The following CDC25B variants were observed in gnomAD, a reference collection of about 807,000 sequenced individuals.
The protein encoded by CDC25B is cell division cycle 25B.
Under a neutral mutation model 69.8 loss-of-function variants are expected in CDC25B, and 33 were observed. The observed-to-expected ratio is 0.47, with a 90% CI of 0.36 to 0.63. The LOEUF is 0.63. CDC25B is among the 30% of genes least tolerant of loss of function. The pLI is 0.00. For synonymous variants in CDC25B, 341 were observed against 314.6 expected, an observed-to-expected ratio of 1.08 and a Z score of -0.89; for missense variants, 727 against 809.1, an observed-to-expected ratio of 0.90 and a Z score of 1.23.
chr20:3,791,778 T>G (rs1459842164), upstream of CDC25B, among the ~76,000 whole-genome samples: 1 of 152,242 alleles, frequency 6.6e-6, no homozygotes, highest in Non-Finnish European at 1.5e-5. Context: ...AGGGCATACT[T>G]ACTGCATCGT....
At chr20:3,801,190 TC>T (rs1419661325) in intron 7 of CDC25B, 63 bp from the exon 8 acceptor site, 2 of 1,603,258 alleles carry the variant, frequency 1.2e-6, no homozygotes, top group African/African-American at 2.7e-5. Context: ...GAACTTTTCC[TC>T]AGGAGGATGG....
In CDC25B at chr20:3,790,880, A is replaced by AT. The variant is rs1255290477; in HGVS notation, c.8+3747dup. 1.5e-4 allele frequency among the ~76,000 whole-genome samples: 23 copies of AT among 151,756 alleles called. 1 individual carries two copies. Among genetic ancestry groups the AT allele is most frequent in the African/African-American group, 5.6e-4 (23 of 41,322 alleles). On this transcript the variant is annotated intron_variant, in intron 1 of 15. Transcript: ENST00000344256. ...CCACCGCACCTGGCCTAATTTTTGT[A>AT]TTTTTTGTAGAGACAGAGTTTCACC...
intron 1 of CDC25B, among the ~76,000 whole-genome samples, chr20:3,788,142 A>AAAAAGAAAG (rs1555771431): frequency 4.2e-4 from 63 of 150,096 alleles, no homozygotes; most frequent in African/African-American, 1.2e-3. Context: ...ATCTCAAAAA[A>AAAAAGAAAG]AAAGAAAGAA....
At position 3,802,045 on chromosome 20, in the gene CDC25B, A is replaced by G. The variant is rs774833241; in HGVS notation, c.1043A>G (p.Asn348Ser). 6.3e-7 allele frequency: 1 copy of G among 1,574,994 alleles called. No individual in the cohort carries two copies. Among genetic ancestry groups the G allele is most frequent in the Non-Finnish European group, 8.6e-7 (1 of 1,160,512 alleles). The change falls in exon 10 of 16, where the codon AAT (asparagine) becomes AGT (serine). Residue 348 changes from asparagine (N) to serine (S), a missense_variant. Transcript: ENST00000245960. ...CAGGACAGGGACACGCCCGTGCAGA[A>G]TAAGCGGAGGCGGAGCGTGACCCCT... Reference protein sequence around the residue: ...RPQDRDTPVQNKRRRSVTPPE... With the variant: ...RPQDRDTPVQSKRRRSVTPPE...
At chr20:3,795,826 T>C, upstream of CDC25B, 2 of 984,748 alleles carry the variant, frequency 2.0e-6, no homozygotes, top group Non-Finnish European at 2.4e-6. Context: ...GCCCACCGCC[T>C]GCCCAACCGC....
upstream of CDC25B, among the ~76,000 whole-genome samples, chr20:3,794,356 T>C (rs2033558507): frequency 6.6e-6 from 1 of 151,274 alleles, no homozygotes; most frequent in Non-Finnish European, 1.5e-5. Context: ...CCAGTGATGA[T>C]GAGCATTTTT....
Position 3,804,657 on chromosome 20 carries a change from A to C in CDC25B, c.1579A>C (p.Lys527Gln). 1 of 1,612,808 alleles carries C rather than the reference A, an allele frequency of 6.2e-7. No individual in the cohort carries two copies. The highest frequency in any genetic ancestry group is 1.1e-5 in the South Asian group (1 of 91,040). The change falls in exon 15 of 16, where the codon AAG (lysine) becomes CAG (glutamine). Residue 527 changes from lysine to glutamine, a missense_variant. Lys to Gln is a moderately conservative substitution (Grantham distance 53). Transcript: ENST00000245960. ...PEMYILKGGY[K>Q]EFFPQHPNFC... Reference sequence around the variant, plus strand: ...GATGTATATCCTGAAAGGCGGCTACAAGGAGTTCTTCCCTCAGCACCCGGT... The same window carrying C: ...GATGTATATCCTGAAAGGCGGCTACCAGGAGTTCTTCCCTCAGCACCCGGT...
intron 10 of CDC25B, 56 bp from the exon 11 acceptor site, chr20:3,802,225 G>T: frequency 6.4e-7 from 1 of 1,569,624 alleles, no homozygotes. Context: ...CAGCCAGCCA[G>T]AGCACTGGGG....
intron 1 of CDC25B, among the ~76,000 whole-genome samples, chr20:3,789,756 G>A (rs111448217): frequency 0.035 from 5,253 of 152,204 alleles, 299 homozygotes; most frequent in African/African-American, 0.12. Context: ...TTGGGAGGCC[G>A]AGGTGGGCAG....
chr20:3,790,025 G>C (rs963103536), intron 1 of CDC25B, among the ~76,000 whole-genome samples: 39 of 151,888 alleles, frequency 2.6e-4, no homozygotes, highest in African/African-American at 8.9e-4. Flanking sequence ...AGTGCCTTGC[G>C]CCTGTAGTCC....
chr20:3,797,745 T>G lies in CDC25B; in HGVS notation c.324T>G (p.Asp108Glu). ...CGTCTGAATCCTCCGAATCTTCTGATGCAGGTGAGGCCCAGGGGAGCCTGG... is the reference window on the plus strand; with the variant it reads ...CGTCTGAATCCTCCGAATCTTCTGAGGCAGGTGAGGCCCAGGGGAGCCTGG... Reference protein sequence around the residue: ...SLSSESSESSDAGLCMDSPSP... With the variant: ...SLSSESSESSEAGLCMDSPSP... The change falls in exon 2 of 16, where the codon GAT becomes GAG. Residue 108 changes from aspartate (D) to glutamate (E), a missense_variant. Physicochemically the swap from Asp to Glu is conservative, Grantham distance 45. This residue lies in a region of CDC25B where 368 missense variants were observed against 345.6 expected (regional missense o/e 1.06). Coordinates refer to ENST00000245960, the MANE Select transcript of CDC25B (RefSeq NM_021873.4). 2 of 1,613,976 alleles carry G rather than the reference T, an allele frequency of 1.2e-6. No individual in the cohort carries two copies. Among genetic ancestry groups the G allele is most frequent in the Non-Finnish European group, 1.7e-6 (2 of 1,180,022 alleles).
rs1011895463 is a variant in CDC25B at position 3,796,765 on chromosome 20, G to A, written c.200+34G>A. ...CCCCAAGGAGGCTGCATATGGGGGT[G>A]AGAGGCTAGGTCTGGAGTCCTGGGC... On this transcript the variant is annotated intron_variant, in intron 1 of 15. Transcript: ENST00000245960. The A allele has an allele frequency of 2.0e-6, 3 of 1,535,304 alleles. No individual in the cohort carries two copies. The African/African-American group carries it at 4.2e-5, about 21-fold the overall frequency.
intron 1 of CDC25B, 124 bp from the exon 2 acceptor site, chr20:3,797,498 T>C (rs1014216225): frequency 2.8e-5 from 36 of 1,297,734 alleles, no homozygotes; most frequent in Non-Finnish European, 3.8e-5. Context: ...CTCAGGGCCA[T>C]TGCTTTCCCG....
Position 3,796,445 on chromosome 20 carries a change from G to T in CDC25B, c.-87G>T. On this transcript the variant is annotated 5_prime_UTR_variant, in exon 1 of 16. Transcript: ENST00000245960. ...CCCCCCCCCCCACCCCTCGCCCGCT[G>T]CCTCCCTCGGCCCAGCCAGCTGTGC... The T allele has an allele frequency of 9.1e-7, 1 of 1,100,556 alleles. No homozygotes were observed. The highest frequency in any genetic ancestry group is 1.1e-6 in the Non-Finnish European group (1 of 913,864). The allele number at this position is 1,100,556 out of a possible 1,614,324, so 68.2% of individuals were successfully genotyped here.
Position 3,802,306 on chromosome 20 carries a change from C to T in CDC25B, c.1124C>T (p.Ser375Leu), listed in dbSNP as rs762934301. ...EPKARVLRSK[S>L]LCHDEIENLL... is the part of the protein sequence containing the mutation. ...AAAGCCCGCGTCCTCCGCTCAAAATCACTGTGTCACGATGAGATCGAGAAC... is the reference window on the plus strand; with the variant it reads ...AAAGCCCGCGTCCTCCGCTCAAAATTACTGTGTCACGATGAGATCGAGAAC... Residue 375 changes from serine (S) to leucine (L), a missense_variant, in exon 11 of 16, where the codon TCA becomes TTA. Transcript: ENST00000245960. 22 of 1,610,756 alleles carry T rather than the reference C, an allele frequency of 1.4e-5. No homozygotes were observed. The highest frequency in any genetic ancestry group is 1.9e-5 in the Non-Finnish European group (22 of 1,179,918).
Position 3,803,566 on chromosome 20 carries a change from G to A in CDC25B, c.1490+29G>A. On this transcript the variant is annotated intron_variant, in intron 14 of 15. Transcript: ENST00000245960. This position sits in a 1 kb window ranked among gnomAD's most constrained non-coding sequence, Gnocchi z 4.9. ...AGTCCCAGCTCCGCCCAGCCAGCTA[G>A]TGTCTGCCCTGGCCTTCCCTGCCCA... The A allele has an allele frequency of 6.2e-7, 1 of 1,613,324 alleles. No homozygotes were observed. Among genetic ancestry groups the A allele is most frequent in the East Asian group, 2.2e-5 (1 of 44,884 alleles).
upstream of CDC25B, chr20:3,795,988 C>T: frequency 1.0e-6 from 1 of 989,870 alleles, no homozygotes; most frequent in African/African-American, 1.7e-5. Flanking sequence ...TCCCAGGTGA[C>T]GACATGCCGC....
In CDC25B at chr20:3,805,579, C is replaced by T; in HGVS notation, c.*618C>T. On this transcript the variant is annotated 3_prime_UTR_variant, in exon 16 of 16. Coordinates refer to ENST00000245960, the MANE Select transcript of CDC25B (RefSeq NM_021873.4). ...TTGGTCTGTTTGACTTTACGCCCAT[C>T]TCAGGACACTTCCGTAGACTGTTTA... 2.5e-6 allele frequency: 1 copy of T among 396,410 alleles called. No individual in the cohort carries two copies. The highest frequency in any genetic ancestry group is 4.4e-6 in the Non-Finnish European group (1 of 225,008). The allele number at this position is 396,410 out of a possible 1,614,324, so 24.6% of individuals were successfully genotyped here.
intron 1 of CDC25B, among the ~76,000 whole-genome samples, chr20:3,788,749 TTTCC>T (rs777249809): frequency 6.6e-6 from 1 of 152,092 alleles, no homozygotes; most frequent in African/African-American, 2.4e-5. Flanking sequence ...TCCTTGTTTC[TTTCC>T]TTCCTTCCTT....
Sources: gnomAD v4.1 joint callset for allele counts (sites outside exome capture counted in the v4.1 genomes callset) on GRCh38, gnomAD v4.1.1 for gene constraint, gnomAD v4.1.1 regional missense constraint, Gnocchi (gnomAD v3.1) non-coding constraint, MANE v1.5 for transcripts, NCBI Gene and HGNC (gene_info 2026-07-23, HGNC 2026-07-21) for gene names.